The following SORCS1 variants were observed in gnomAD, a reference collection of about 807,000 sequenced individuals.
SORCS1 encodes the protein VPS10 domain-containing receptor SorCS1.
SORCS1 carries 60 observed loss-of-function variants against 146.1 expected under a neutral mutation model. The ratio of observed to expected loss-of-function variants is 0.41; its 90% confidence interval spans 0.33 to 0.51. SORCS1 has a LOEUF of 0.51. SORCS1 is among the 20% of genes least tolerant of loss of function. The pLI, the probability that SORCS1 is intolerant of heterozygous loss-of-function variation, is 0.21. For missense variants in SORCS1, 1,352 were observed against 1,487.6 expected, an observed-to-expected ratio of 0.91 and a Z score of 1.50; for synonymous variants, 637 against 584.0, an observed-to-expected ratio of 1.09 and a Z score of -1.31.
chr10:107,137,618 T>C (rs188202319), intron 1 of SORCS1, among the ~76,000 whole-genome samples: 198 of 152,252 alleles, frequency 1.3e-3, no homozygotes, highest in Non-Finnish European at 2.4e-3. Flanking sequence ...ATCTCAACAC[T>C]TTGCGAGGTT....
At chr10:106,666,283 T>A (rs1362713324) in intron 17 of SORCS1, among the ~76,000 whole-genome samples, 1 of 152,248 alleles carries the variant, frequency 6.6e-6, no homozygotes, top group African/African-American at 2.4e-5. Flanking sequence ...TAAGAGAGAA[T>A]TCCTTCTGCC....
At chr10:107,176,029 T>TAC in the SORCS1 span, among the ~76,000 whole-genome samples, 1 of 152,342 alleles carries the variant, frequency 6.6e-6, no homozygotes, top group African/African-American at 2.4e-5. Flanking sequence ...TCTGCTTATA[T>TAC]ACACACATAT....
rs150512911 is a variant in SORCS1, at chr10:107,138,551, T to C, written c.558+25418A>G. Among the ~76,000 whole-genome samples, 587 of 152,340 alleles carry C rather than the reference T, an allele frequency of 3.9e-3. 1 individual carries two copies. The highest frequency in any genetic ancestry group is 7.3e-3 in the Non-Finnish European group (496 of 68,036). On this transcript the variant is annotated intron_variant, in intron 1 of 25. Coordinates refer to ENST00000263054, the MANE Select transcript of SORCS1 (RefSeq NM_052918.5). ...TCTTTTACCCATTCTTCGTCTAAGA[T>C]AGGCAGACAGAGACATCAGTTCACA...
chr10:106,664,024 A>AGCT (rs1850937901), intron 17 of SORCS1, among the ~76,000 whole-genome samples: 1 of 152,190 alleles, frequency 6.6e-6, no homozygotes, highest in Non-Finnish European at 1.5e-5. Context: ...CTTTTCTGCA[A>AGCT]AATCTTTAAA....
At chr10:106,727,418 T>C (rs561961876) in intron 6 of SORCS1, among the ~76,000 whole-genome samples, 29 of 152,284 alleles carry the variant, frequency 1.9e-4, no homozygotes, top group Non-Finnish European at 3.1e-4. Flanking sequence ...CACAGTTGTG[T>C]TCACAGTGCA....
chr10:107,122,550 T>C (rs1437948911), intron 1 of SORCS1, among the ~76,000 whole-genome samples: 1 of 152,248 alleles, frequency 6.6e-6, no homozygotes, highest in Non-Finnish European at 1.5e-5. Context: ...TCTTAAATGA[T>C]GCATATACAA....
chr10:106,734,575 T>C (rs1295628703), intron 5 of SORCS1, among the ~76,000 whole-genome samples: 1 of 152,210 alleles, frequency 6.6e-6, no homozygotes, highest in Non-Finnish European at 1.5e-5. Context: ...GAATGGCTTT[T>C]GAGAAAAGAG....
chr10:106,807,194 G>GAGGA (rs113386690), intron 3 of SORCS1, among the ~76,000 whole-genome samples: 2,653 of 152,064 alleles, frequency 0.017, 95 homozygotes, highest in African/African-American at 0.06. Flanking sequence ...AGGAAGGAAG[G>GAGGA]AGGAAGGAAG....
chr10:107,122,849 C>T lies in SORCS1; in HGVS notation c.558+41120G>A, dbSNP rs147806912. ...GGAAGGAAAACTCAAGTTGAAATAA[C>T]GATAAGCAAATGCTCAGAGTTGTTG... On this transcript the variant is annotated intron_variant, in intron 1 of 25. Transcript: ENST00000263054. Among the ~76,000 whole-genome samples, 74 of 152,212 alleles carry T rather than the reference C, an allele frequency of 4.9e-4. 2 individuals carry two copies. The highest frequency in any genetic ancestry group is 1.3e-3 in the African/African-American group (54 of 41,550).
chr10:106,668,763 G>A (rs986711270), intron 16 of SORCS1, among the ~76,000 whole-genome samples: 1 of 152,178 alleles, frequency 6.6e-6, no homozygotes, highest in Non-Finnish European at 1.5e-5. Flanking sequence ...TGGGTAGGAA[G>A]ACTTCAGAAT....
At chr10:107,062,821 G>A (rs1207969102) in intron 1 of SORCS1, among the ~76,000 whole-genome samples, 1 of 152,188 alleles carries the variant, frequency 6.6e-6, no homozygotes, top group African/African-American at 2.4e-5. Flanking sequence ...TGTGAAGTCA[G>A]TGGTAAGGAT....
At chr10:107,143,321 A>C (rs927453985) in intron 1 of SORCS1, among the ~76,000 whole-genome samples, 4 of 151,796 alleles carry the variant, frequency 2.6e-5, no homozygotes, top group Admixed American at 1.3e-4. Context: ...CCAATCTCTT[A>C]TTTTGTTTTG....
At chr10:106,856,872 G>A (rs1949806662) in intron 2 of SORCS1, among the ~76,000 whole-genome samples, 1 of 152,222 alleles carries the variant, frequency 6.6e-6, no homozygotes, top group Non-Finnish European at 1.5e-5. Context: ...GTGTCTGACT[G>A]TTGGTCTTTC....
rs1288515220 is a variant in SORCS1, at chr10:107,082,371, CTTAA to C, written c.558+81594_558+81597del. ...TTTTTTGTTATTGGTGTTTATACTA[CTTAA>C]TTATCATTTTAATTCACACAGTGCT... On this transcript the variant is annotated intron_variant, in intron 1 of 25. Coordinates refer to ENST00000263054, the MANE Select transcript of SORCS1 (RefSeq NM_052918.5). Among the ~76,000 whole-genome samples, 33 of 152,276 alleles carry C rather than the reference CTTAA, an allele frequency of 2.2e-4. No homozygotes were observed. In the East Asian group the frequency reaches 5.2e-3, roughly 24 times the overall value.
At chr10:106,712,668 T>G (rs1855084442) in intron 6 of SORCS1, among the ~76,000 whole-genome samples, 1 of 152,256 alleles carries the variant, frequency 6.6e-6, no homozygotes. Flanking sequence ...AAATGTTAGT[T>G]GTTATGATTA....
intron 1 of SORCS1, among the ~76,000 whole-genome samples, chr10:107,026,191 A>G (rs1380200568): frequency 6.6e-6 from 1 of 152,232 alleles, no homozygotes; most frequent in African/African-American, 2.4e-5. Context: ...AAAGTTTATA[A>G]CAAGATGGAG....
At chr10:106,925,875 A>G (rs1353470345) in intron 2 of SORCS1, among the ~76,000 whole-genome samples, 3 of 152,222 alleles carry the variant, frequency 2.0e-5, no homozygotes, top group African/African-American at 7.2e-5. Context: ...AGGGGCTGCA[A>G]TGACAGGTTT....
At chr10:107,119,183 C>T (rs1409283006) in intron 1 of SORCS1, among the ~76,000 whole-genome samples, 1 of 152,142 alleles carries the variant, frequency 6.6e-6, no homozygotes, top group African/African-American at 2.4e-5. Flanking sequence ...AATTTCACTG[C>T]AGATTTTGAA....
Position 106,960,520 on chromosome 10 carries a change from T to G in SORCS1, c.559-3940A>C, listed in dbSNP as rs1199939997. 6.6e-6 allele frequency among the ~76,000 whole-genome samples: 1 copy of G among 151,978 alleles called. No individual in the cohort carries two copies. Among genetic ancestry groups the G allele is most frequent in the Non-Finnish European group, 1.5e-5 (1 of 67,990 alleles). On this transcript the variant is annotated intron_variant, in intron 1 of 25. Transcript: ENST00000263054. This position sits in a 1 kb window ranked among gnomAD's most constrained non-coding sequence, Gnocchi z 4.4. ...CACAGGTTCAAGCAATTCTCCTGCC[T>G]CAGCCTCCCGAGTAGCTGAGACTAC... is the stretch of plus-strand genomic sequence containing the variant.
Sources: allele counts gnomAD v4.1 joint callset (sites outside exome capture counted in the v4.1 genomes callset), GRCh38; gene constraint gnomAD v4.1.1; non-coding constraint Gnocchi (gnomAD v3.1); transcripts MANE v1.5; gene names NCBI Gene and HGNC (gene_info 2026-07-23, HGNC 2026-07-21).